Variants in CADM2 observed in about 807,000 individuals in gnomAD.
CADM2 encodes the protein cell adhesion molecule 2.
CADM2 carries 12 observed loss-of-function variants against 49.8 expected under a neutral mutation model. That is an observed-to-expected ratio of 0.24 (90% CI 0.15 to 0.39). The LOEUF is 0.39. CADM2 is among the 10% of genes least tolerant of loss of function. The pLI, the probability that CADM2 is intolerant of heterozygous loss-of-function variation, is 1.00. For synonymous variants in CADM2, 214 were observed against 175.4 expected (o/e 1.22, Z -1.74); for missense variants, 378 against 492.3 (o/e 0.77, Z 2.20).
chr3:85,732,759 A>T (rs1229035308), intron 2 of CADM2, among the ~76,000 whole-genome samples: 1 of 152,194 alleles, frequency 6.6e-6, no homozygotes. Context: ...TGAGATAGGT[A>T]CCATTTTATC....
chr3:85,062,606 CAAGT>C (rs1364582963), intron 1 of CADM2, among the ~76,000 whole-genome samples: 1 of 151,564 alleles, frequency 6.6e-6, no homozygotes, highest in Non-Finnish European at 1.5e-5. Flanking sequence ...AAGCTCATAA[CAAGT>C]AATATAATTC....
At chr3:85,370,480 C>G (rs977359396) in intron 1 of CADM2, among the ~76,000 whole-genome samples, 5 of 151,686 alleles carry the variant, frequency 3.3e-5, no homozygotes, top group African/African-American at 1.2e-4. Flanking sequence ...TTCCTATTGC[C>G]TAGTGCTGTC....
intron 1 of CADM2, among the ~76,000 whole-genome samples, chr3:85,025,236 T>C (rs962891733): frequency 3.3e-5 from 5 of 152,168 alleles, no homozygotes; most frequent in African/African-American, 1.2e-4. Flanking sequence ...TTATTTTTGG[T>C]TTATATTATT....
At chr3:85,187,501 GA>G (rs2041093400) in intron 1 of CADM2, among the ~76,000 whole-genome samples, 1 of 151,982 alleles carries the variant, frequency 6.6e-6, no homozygotes, top group Non-Finnish European at 1.5e-5. Flanking sequence ...CTATTTGAGA[GA>G]AAATATTAGA....
chr3:85,798,070 G>T (rs909437476), intron 2 of CADM2, among the ~76,000 whole-genome samples: 2 of 152,106 alleles, frequency 1.3e-5, no homozygotes, highest in African/African-American at 4.8e-5. Context: ...CTTTTGAGAA[G>T]TGTCTGTTCA....
intron 1 of CADM2, among the ~76,000 whole-genome samples, chr3:85,491,690 A>G (rs1158887697): frequency 1.3e-5 from 2 of 151,966 alleles, no homozygotes; most frequent in African/African-American, 2.4e-5. Context: ...GGTGGCTCAC[A>G]CCTGTAATCC....
intron 5 of CADM2, among the ~76,000 whole-genome samples, chr3:85,891,097 A>T (rs563822900): frequency 6.5e-4 from 99 of 152,266 alleles, no homozygotes; most frequent in African/African-American, 2.4e-3. Context: ...CCCCTTTATG[A>T]GAGTTTTACT....
At chr3:85,557,444 A>G (rs1054780741) in intron 1 of CADM2, among the ~76,000 whole-genome samples, 1 of 150,842 alleles carries the variant, frequency 6.6e-6, no homozygotes, top group African/African-American at 2.4e-5. Flanking sequence ...TTTCCTGTTG[A>G]TTTTCTTCCT....
intron 8 of CADM2, among the ~76,000 whole-genome samples, chr3:85,991,248 C>T (rs1451231191): frequency 6.6e-6 from 1 of 152,142 alleles, no homozygotes; most frequent in South Asian, 2.1e-4. Flanking sequence ...GGTTTTCTCA[C>T]TTCTTTGGCT....
chr3:85,025,808 A>G (rs1353344164), intron 1 of CADM2, among the ~76,000 whole-genome samples: 1 of 151,608 alleles, frequency 6.6e-6, no homozygotes, highest in East Asian at 1.9e-4. Flanking sequence ...TCGCTATATC[A>G]TGTTTCAAAA....
chr3:85,232,626 C>A (rs1247690755), intron 1 of CADM2, among the ~76,000 whole-genome samples: 1 of 151,960 alleles, frequency 6.6e-6, no homozygotes, highest in African/African-American at 2.4e-5. Flanking sequence ...GAATAGATAT[C>A]TCACCAAAAA....
chr3:84,999,531 A>G (rs2033348796), intron 1 of CADM2, among the ~76,000 whole-genome samples: 1 of 152,192 alleles, frequency 6.6e-6, no homozygotes, highest in African/African-American at 2.4e-5. Context: ...TATTTTAAAC[A>G]GCAAAATCAT....
intron 1 of CADM2, among the ~76,000 whole-genome samples, chr3:85,460,740 G>GTGTGTC: frequency 6.6e-6 from 1 of 151,954 alleles, no homozygotes; most frequent in African/African-American, 2.4e-5. Context: ...TGTGGTGTGT[G>GTGTGTC]TGTGTGTGTG....
At chr3:84,963,015 G>A (rs2030682915) in intron 1 of CADM2, among the ~76,000 whole-genome samples, 1 of 152,056 alleles carries the variant, frequency 6.6e-6, no homozygotes, top group East Asian at 1.9e-4. Flanking sequence ...TATAACATCT[G>A]CCAGTTTGTC....
At chr3:85,527,371 G>A (rs528384463) in intron 1 of CADM2, among the ~76,000 whole-genome samples, 9 of 131,038 alleles carry the variant, frequency 6.9e-5, no homozygotes, top group African/African-American at 2.3e-4. Context: ...TCTAGCCTGG[G>A]CGACAGAGCA....
At chr3:85,246,429 A>G (rs2042647617) in intron 1 of CADM2, among the ~76,000 whole-genome samples, 1 of 152,248 alleles carries the variant, frequency 6.6e-6, no homozygotes, top group African/African-American at 2.4e-5. Context: ...CATGTACCCT[A>G]GAACTTAAAG....
chr3:85,278,695 A>G (rs1053797625), intron 1 of CADM2, among the ~76,000 whole-genome samples: 5 of 147,080 alleles, frequency 3.4e-5, no homozygotes, highest in African/African-American at 1.0e-4. Context: ...ACGGTGTATG[A>G]AATGTTCTCA....
chr3:85,878,840 C>T (rs1244308860), intron 3 of CADM2, among the ~76,000 whole-genome samples: 1 of 151,982 alleles, frequency 6.6e-6, no homozygotes, highest in African/African-American at 2.4e-5. Context: ...TCTGGATTCA[C>T]TGAGAATTGT....
intron 3 of CADM2, among the ~76,000 whole-genome samples, chr3:85,814,677 A>G (rs1186650931): frequency 6.6e-6 from 1 of 152,092 alleles, no homozygotes; most frequent in African/African-American, 2.4e-5. Context: ...ATAAAAAATG[A>G]TATAGGAAAT....
Sources: allele counts gnomAD v4.1 joint callset (sites outside exome capture counted in the v4.1 genomes callset), GRCh38; gene constraint gnomAD v4.1.1; transcripts MANE v1.5; gene names NCBI Gene and HGNC (gene_info 2026-07-23, HGNC 2026-07-21).